The following CATSPERT variants were observed in gnomAD, a reference collection of about 807,000 sequenced individuals.
CATSPERT encodes cation channel sperm-associated targeting subunit tau.
chr2:201,553,956 C>T, the CATSPERT span: 1 of 152,138 alleles, frequency 6.6e-6, no homozygotes, highest in Non-Finnish European at 1.5e-5. Context: ...TACTATAGCT[C>T]TAATTTTAAA....
the CATSPERT span, chr2:201,536,296 C>T: frequency 5.0e-4 from 806 of 1,602,100 alleles, 5 homozygotes; most frequent in East Asian, 0.013. Flanking sequence ...ATAGTCAGGC[C>T]TTTCTCAGAA....
At chr2:201,565,953 C>A in the CATSPERT span, 1 of 1,320,440 alleles carries the variant, frequency 7.6e-7, no homozygotes, top group Non-Finnish European at 1.0e-6. Context: ...CACTTTTGAA[C>A]CCTTCTCTTT....
At chr2:201,523,112 A>T in the CATSPERT span, among the ~76,000 whole-genome samples, 1 of 152,112 alleles carries the variant, frequency 6.6e-6, no homozygotes, top group African/African-American at 2.4e-5. Context: ...GTGTGTGTGG[A>T]CCTCACTGCC....
At chr2:201,577,214 G>A in the CATSPERT span, among the ~76,000 whole-genome samples, 2 of 151,278 alleles carry the variant, frequency 1.3e-5, no homozygotes, top group African/African-American at 2.4e-5. Context: ...CCATCCTCAA[G>A]CTATCTCATT....
chr2:201,568,005 G>A, the CATSPERT span, among the ~76,000 whole-genome samples: 1 of 152,108 alleles, frequency 6.6e-6, no homozygotes, highest in African/African-American at 2.4e-5. Context: ...CCCAAAGGAG[G>A]AACAGATTAC....
chr2:201,595,320 C>T, the CATSPERT span, among the ~76,000 whole-genome samples: 4 of 151,632 alleles, frequency 2.6e-5, no homozygotes, highest in East Asian at 7.8e-4. Context: ...TCCCGAGTAG[C>T]TGGGACTACA....
chr2:201,545,592 G>T, the CATSPERT span: 3 of 1,161,208 alleles, frequency 2.6e-6, no homozygotes, highest in Non-Finnish European at 3.5e-6. Flanking sequence ...TACTTTTCGT[G>T]TTTTCAGATG....
At chr2:201,534,300 C>A in the CATSPERT span, 3 of 713,610 alleles carry the variant, frequency 4.2e-6, no homozygotes, top group Non-Finnish European at 5.2e-6. Context: ...GCCCAACAAG[C>A]AAGTCAACCC....
At chr2:201,576,513 C>T in the CATSPERT span, among the ~76,000 whole-genome samples, 3 of 152,212 alleles carry the variant, frequency 2.0e-5, no homozygotes, top group African/African-American at 7.2e-5. Context: ...TTCTTTGCTC[C>T]CCATAGGCCA....
At chr2:201,511,512 C>T in the CATSPERT span, among the ~76,000 whole-genome samples, 4 of 152,082 alleles carry the variant, frequency 2.6e-5, no homozygotes, top group African/African-American at 7.2e-5. Context: ...CTGTATCATA[C>T]GAGTTCTCTT....
At chr2:201,508,307 C>T in the CATSPERT span, among the ~76,000 whole-genome samples, 5 of 152,072 alleles carry the variant, frequency 3.3e-5, no homozygotes, top group Non-Finnish European at 7.4e-5. Context: ...TTTATAGGTA[C>T]AAGAAACTGT....
chr2:201,586,107 A>G, the CATSPERT span, among the ~76,000 whole-genome samples: 9 of 152,206 alleles, frequency 5.9e-5, no homozygotes, highest in African/African-American at 2.2e-4. Flanking sequence ...CTTCCCTATG[A>G]TTTTTTTAAC....
chr2:201,590,568 T>A, the CATSPERT span, among the ~76,000 whole-genome samples: 8 of 152,102 alleles, frequency 5.3e-5, no homozygotes, highest in Non-Finnish European at 1.2e-4. Flanking sequence ...CACACTGACT[T>A]CCACAATGGT....
At chr2:201,589,230 T>G in the CATSPERT span, among the ~76,000 whole-genome samples, 1 of 152,154 alleles carries the variant, frequency 6.6e-6, no homozygotes, top group Non-Finnish European at 1.5e-5. Context: ...CCCATTGAGA[T>G]TCTTCAAAGA....
the CATSPERT span, among the ~76,000 whole-genome samples, chr2:201,603,640 T>C: frequency 6.6e-6 from 1 of 152,216 alleles, no homozygotes; most frequent in Non-Finnish European, 1.5e-5. Flanking sequence ...ATGTGCCTTA[T>C]TTCAGACAAA....
chr2:201,529,927 A>C, the CATSPERT span, among the ~76,000 whole-genome samples: 1 of 152,260 alleles, frequency 6.6e-6, no homozygotes, highest in East Asian at 1.9e-4. Flanking sequence ...AAATAACCTA[A>C]TTTTAAAATG....
At chr2:201,605,750 C>G in the CATSPERT span, among the ~76,000 whole-genome samples, 1 of 152,152 alleles carries the variant, frequency 6.6e-6, no homozygotes, top group Non-Finnish European at 1.5e-5. Context: ...CATAAGATTT[C>G]AAACTGAATT....
chr2:201,589,178 GC>G, the CATSPERT span, among the ~76,000 whole-genome samples: 1 of 152,036 alleles, frequency 6.6e-6, no homozygotes, highest in Non-Finnish European at 1.5e-5. Context: ...GGCCATTACT[GC>G]CCAAATAAAT....
the CATSPERT span, among the ~76,000 whole-genome samples, chr2:201,536,870 T>C: frequency 5.9e-3 from 896 of 152,004 alleles, 15 homozygotes; most frequent in East Asian, 0.081. Context: ...GACTCTTCAA[T>C]TGGTATTTGG....
Sources: gnomAD v4.1 joint callset for allele counts (sites outside exome capture counted in the v4.1 genomes callset) on GRCh38, gnomAD v4.1.1 for gene constraint, MANE v1.5 for transcripts, NCBI Gene and HGNC (gene_info 2026-07-23, HGNC 2026-07-21) for gene names.